The following RAD51B variants were observed in gnomAD, a reference collection of about 807,000 sequenced individuals.
The protein encoded by RAD51B is RAD51 paralog B.
In RAD51B, 38 loss-of-function variants were observed where a neutral mutation model predicts 42.2. The observed-to-expected ratio is 0.90, with a 90% CI of 0.70 to 1.18. The LOEUF (loss-of-function observed/expected upper bound fraction) is 1.18, where lower values mean the gene tolerates loss of function less well. RAD51B is among the 50% of genes most tolerant of loss of function. The pLI is 0.00. For synonymous variants in RAD51B, 154 were observed against 145.2 expected, an observed-to-expected ratio of 1.06 and a Z score of -0.43; for missense variants, 373 against 400.7, an observed-to-expected ratio of 0.93 and a Z score of 0.59.
At chr14:68,673,476 T>C (rs1031175902) in intron 11 of RAD51B, among the ~76,000 whole-genome samples, 2 of 151,546 alleles carry the variant, frequency 1.3e-5, no homozygotes, top group African/African-American at 4.9e-5. Context: ...TATATACATG[T>C]ACACACATGC....
exon 11 of RAD51B, chr14:68,595,196 A>G: frequency 8.5e-6 from 9 of 1,063,080 alleles, no homozygotes; most frequent in Non-Finnish European, 1.0e-5. Context: ...GAACACTTAC[A>G]TGGAAAATCC....
intron 7 of RAD51B, among the ~76,000 whole-genome samples, chr14:68,111,101 T>C (rs2077452399): frequency 6.6e-6 from 1 of 152,080 alleles, no homozygotes; most frequent in Non-Finnish European, 1.5e-5. Context: ...TAGGCTCTTT[T>C]TGCATTGTAG....
chr14:68,558,456 G>A (rs769476436), intron 10 of RAD51B, among the ~76,000 whole-genome samples: 2 of 152,228 alleles, frequency 1.3e-5, no homozygotes, highest in Non-Finnish European at 2.9e-5. Flanking sequence ...GAGGCTAGAG[G>A]TGTGATATCA....
intron 7 of RAD51B, among the ~76,000 whole-genome samples, chr14:67,935,041 G>A (rs1365761925): frequency 6.6e-6 from 1 of 152,050 alleles, no homozygotes; most frequent in Non-Finnish European, 1.5e-5. Flanking sequence ...TTTATGGTAG[G>A]GTCTGTTTCT....
intron 7 of RAD51B, among the ~76,000 whole-genome samples, chr14:68,034,005 C>A (rs1346996165): frequency 6.6e-6 from 1 of 152,134 alleles, no homozygotes; most frequent in East Asian, 1.9e-4. Flanking sequence ...AAAACAAAAT[C>A]TGAGATACAA....
At chr14:68,466,027 C>T (rs2085978861) in intron 9 of RAD51B, among the ~76,000 whole-genome samples, 1 of 151,860 alleles carries the variant, frequency 6.6e-6, no homozygotes, top group Non-Finnish European at 1.5e-5. Flanking sequence ...CTGTCTCAGG[C>T]AGAAAGCAAT....
chr14:67,916,628 C>T (rs532558413), intron 7 of RAD51B, among the ~76,000 whole-genome samples: 1 of 152,054 alleles, frequency 6.6e-6, no homozygotes. Context: ...TTATTTTAGC[C>T]ACAGACATGG....
chr14:68,329,299 C>T (rs546628379), intron 8 of RAD51B, among the ~76,000 whole-genome samples: 50 of 152,190 alleles, frequency 3.3e-4, no homozygotes, highest in Non-Finnish European at 6.3e-4. Context: ...TGAGCTACCA[C>T]ACCCAGGCTT....
At chr14:68,566,064 C>T (rs1889403316) in intron 10 of RAD51B, among the ~76,000 whole-genome samples, 1 of 152,220 alleles carries the variant, frequency 6.6e-6, no homozygotes, top group South Asian at 2.1e-4. Flanking sequence ...TTCGCTGGGC[C>T]TTGTCACTCT....
At chr14:67,926,326 C>A (rs2140145437) in intron 7 of RAD51B, among the ~76,000 whole-genome samples, 1 of 152,214 alleles carries the variant, frequency 6.6e-6, no homozygotes, top group Non-Finnish European at 1.5e-5. Flanking sequence ...CTCTTAAGTT[C>A]AAAGTTCCAC....
At chr14:67,865,167 G>A in intron 5 of RAD51B, 28 bp downstream of exon 5, 7 of 1,556,730 alleles carry the variant, frequency 4.5e-6, no homozygotes, top group Non-Finnish European at 6.1e-6. Flanking sequence ...CTATTATAAT[G>A]TTTTACTTTT....
chr14:67,825,580 A>G lies in RAD51B; in HGVS notation c.198+3A>G, dbSNP rs774848983. 2.6e-6 allele frequency: 4 copies of G among 1,566,076 alleles called. No individual in the cohort carries two copies. Among genetic ancestry groups the G allele is most frequent in the Non-Finnish European group, 2.6e-6 (3 of 1,148,692 alleles). ...CCTGTGCCCCAAAGATGCAAACGGT[A>G]TATTTATATTTTATTATGATTTGAT... On this transcript the variant is annotated splice_donor_region_variant and intron_variant, in intron 3 of 10. Coordinates refer to ENST00000471583, the MANE Select transcript of RAD51B (RefSeq NM_133510.4).
intron 10 of RAD51B, among the ~76,000 whole-genome samples, chr14:68,529,766 A>G (rs1232158850): frequency 6.6e-6 from 1 of 152,240 alleles, no homozygotes; most frequent in Non-Finnish European, 1.5e-5. Flanking sequence ...CCAGTCAACA[A>G]AATCAACATT....
At chr14:68,229,480 G>T (rs994499407) in intron 7 of RAD51B, among the ~76,000 whole-genome samples, 1 of 152,182 alleles carries the variant, frequency 6.6e-6, no homozygotes, top group African/African-American at 2.4e-5. Context: ...GATGCCTCTG[G>T]CTTACTCATC....
chr14:68,358,807 T>C (rs1323728778), intron 8 of RAD51B, among the ~76,000 whole-genome samples: 4 of 152,214 alleles, frequency 2.6e-5, no homozygotes, highest in East Asian at 1.9e-4. Flanking sequence ...CAATGTGTGA[T>C]GGTAAAGAAA....
At chr14:68,593,335 C>T (rs1890840920) in intron 10 of RAD51B, among the ~76,000 whole-genome samples, 1 of 152,216 alleles carries the variant, frequency 6.6e-6, no homozygotes. Flanking sequence ...GCTCTTGGAA[C>T]AGGGCCAGGC....
At chr14:68,366,529 C>T (rs983542333) in intron 8 of RAD51B, among the ~76,000 whole-genome samples, 1 of 152,308 alleles carries the variant, frequency 6.6e-6, no homozygotes, top group Non-Finnish European at 1.5e-5. Context: ...TAGTCTGCCT[C>T]GTGTCCCTGG....
In RAD51B at chr14:67,867,261, G is replaced by A. The variant is rs1458436070; in HGVS notation, c.452+2122G>A. 3.3e-5 allele frequency among the ~76,000 whole-genome samples: 5 copies of A among 152,116 alleles called. 1 individual carries two copies. In the East Asian group the frequency reaches 9.6e-4, roughly 29 times the overall value. On this transcript the variant is annotated intron_variant, in intron 5 of 10. Transcript: ENST00000471583. The stretch of plus-strand genomic sequence containing the variant: ...AATTATCAGGAAAGGTTGGCCAATC[G>A]GTTAGGAAAGCTTACTGCTGCAGAT...
At chr14:68,655,225 G>A (rs1892787682) in intron 11 of RAD51B, among the ~76,000 whole-genome samples, 1 of 152,048 alleles carries the variant, frequency 6.6e-6, no homozygotes, top group African/African-American at 2.4e-5. Flanking sequence ...CTCTCTCAAT[G>A]CAGGAACAAG....
Sources: gnomAD v4.1 joint callset for allele counts (sites outside exome capture counted in the v4.1 genomes callset) on GRCh38, gnomAD v4.1.1 for gene constraint, MANE v1.5 for transcripts, NCBI Gene and HGNC (gene_info 2026-07-23, HGNC 2026-07-21) for gene names.